Variants in WDPCP observed in about 807,000 individuals in gnomAD.
WDPCP encodes WD repeat-containing and planar cell polarity effector protein fritz homolog.
Under a neutral mutation model 93.1 loss-of-function variants are expected in WDPCP, and 71 were observed. The ratio of observed to expected loss-of-function variants is 0.76; its 90% confidence interval spans 0.63 to 0.93. The LOEUF (loss-of-function observed/expected upper bound fraction) is 0.93, where lower values mean the gene tolerates loss of function less well. Ranked by LOEUF, WDPCP falls within the 40% of genes least tolerant of loss-of-function variation. WDPCP has a pLI of 0.00. For missense variants in WDPCP, 844 were observed against 887.4 expected (o/e 0.95, Z 0.62); for synonymous variants, 315 against 315.0 (o/e 1.00, Z 0.00).
intron 2 of WDPCP, among the ~76,000 whole-genome samples, chr2:63,702,411 T>C (rs1240895057): frequency 6.6e-6 from 1 of 152,216 alleles, no homozygotes; most frequent in Non-Finnish European, 1.5e-5. Flanking sequence ...TATGTACACC[T>C]AGTATATATC....
intron 13 of WDPCP, among the ~76,000 whole-genome samples, chr2:63,271,061 T>C (rs1189214981): frequency 6.6e-6 from 1 of 152,184 alleles, no homozygotes; most frequent in African/African-American, 2.4e-5. Context: ...TAGACTCAGG[T>C]ATGCCCAGGT....
chr2:63,590,598 A>C (rs573506486), upstream of WDPCP: 2 of 152,350 alleles, frequency 1.3e-5, no homozygotes, highest in African/African-American at 4.8e-5. Context: ...GTAGAATTAA[A>C]AGGGAATTTG....
chr2:63,373,026 G>C (rs1410829547), intron 12 of WDPCP, among the ~76,000 whole-genome samples: 2 of 152,054 alleles, frequency 1.3e-5, no homozygotes, highest in African/African-American at 4.8e-5. Flanking sequence ...CGGAGGATGA[G>C]GCAGGAGAAT....
intron 17 of WDPCP, among the ~76,000 whole-genome samples, chr2:63,149,143 T>C (rs1235090691): frequency 6.6e-6 from 1 of 151,724 alleles, no homozygotes; most frequent in Non-Finnish European, 1.5e-5. Context: ...GTTTCTAAAA[T>C]ATATAAAGAC....
upstream of WDPCP, among the ~76,000 whole-genome samples, chr2:63,832,225 A>G (rs1365266113): frequency 2.6e-5 from 4 of 152,218 alleles, no homozygotes; most frequent in Admixed American, 2.0e-4. Context: ...GTGGGGCCTC[A>G]ACTGGAAAAA....
intron 1 of WDPCP, among the ~76,000 whole-genome samples, chr2:63,555,892 A>G (rs1706078223): frequency 6.6e-6 from 1 of 152,198 alleles, no homozygotes; most frequent in African/African-American, 2.4e-5. Flanking sequence ...ACTCACAAAG[A>G]TGAGAAAGAA....
At chr2:63,350,725 G>C (rs1689538471) in intron 12 of WDPCP, among the ~76,000 whole-genome samples, 1 of 152,026 alleles carries the variant, frequency 6.6e-6, no homozygotes, top group Admixed American at 6.6e-5. Flanking sequence ...CTCTTGCTTA[G>C]TGTAGGGATT....
chr2:63,597,567 C>T (rs748420557), intron 3 of WDPCP: 1 of 1,406,334 alleles, frequency 7.1e-7, no homozygotes, highest in East Asian at 2.7e-5. Flanking sequence ...GCCAAGAAGT[C>T]AGTTAAGGTG....
chr2:63,831,906 G>C (rs956398425), upstream of WDPCP, among the ~76,000 whole-genome samples: 2 of 152,192 alleles, frequency 1.3e-5, no homozygotes, highest in African/African-American at 4.8e-5. Context: ...GGTGAAAAAT[G>C]TGTGGACTGA....
At chr2:63,797,939 GAAACA>G (rs1670639957) in intron 2 of WDPCP, among the ~76,000 whole-genome samples, 1 of 152,106 alleles carries the variant, frequency 6.6e-6, no homozygotes, top group Admixed American at 6.5e-5. Context: ...CAAGAGAAAA[GAAACA>G]AATAACATAC....
At chr2:63,206,253 A>G (rs977440093) in intron 14 of WDPCP, among the ~76,000 whole-genome samples, 9 of 152,160 alleles carry the variant, frequency 5.9e-5, no homozygotes, top group Non-Finnish European at 8.8e-5. Flanking sequence ...TTTTGCATCA[A>G]TATTCATCAG....
rs74782038 is a variant in WDPCP, at chr2:63,616,397, G to A, written n.488+34262C>T. On this transcript the variant is annotated intron_variant and non_coding_transcript_variant, in intron 3 of 4. Transcript: ENST00000467687. ...GGGGAATTAAGGGAGGGAGGGTAAA[G>A]GGGCTGAAAATGGAATTGGAGAGGT... Among the ~76,000 whole-genome samples, 706 of 152,276 alleles carry A rather than the reference G, an allele frequency of 4.6e-3. 8 individuals carry two copies. The highest frequency in any genetic ancestry group is 0.016 in the African/African-American group (661 of 41,564).
At chr2:63,576,154 T>A (rs1368254586) in intron 1 of WDPCP, among the ~76,000 whole-genome samples, 5 of 152,194 alleles carry the variant, frequency 3.3e-5, no homozygotes, top group Non-Finnish European at 5.9e-5. Context: ...CGTTGTCCTA[T>A]AATTTAAGTC....
intron 14 of WDPCP, chr2:63,228,397 T>C (rs1678491927): frequency 6.7e-6 from 1 of 150,136 alleles, no homozygotes; most frequent in Non-Finnish European, 1.5e-5. Flanking sequence ...CTTTTTTTTT[T>C]TTTTTTTTGA....
intron 1 of WDPCP, among the ~76,000 whole-genome samples, chr2:63,502,629 T>C (rs1477773602): frequency 6.6e-6 from 1 of 152,216 alleles, no homozygotes; most frequent in Non-Finnish European, 1.5e-5. Context: ...TACCTGTTCC[T>C]ATATTTTGCT....
chr2:63,734,223 T>A (rs1010982339), intron 2 of WDPCP, among the ~76,000 whole-genome samples: 4 of 152,180 alleles, frequency 2.6e-5, no homozygotes, highest in African/African-American at 9.7e-5. Context: ...TATTCTTACA[T>A]TCAACTAGAC....
At chr2:63,236,130 A>G (rs773031792) in intron 14 of WDPCP, among the ~76,000 whole-genome samples, 1 of 152,228 alleles carries the variant, frequency 6.6e-6, no homozygotes, top group African/African-American at 2.4e-5. Flanking sequence ...TGACTTCTGT[A>G]AAGTTTTGGA....
intron 1 of WDPCP, among the ~76,000 whole-genome samples, chr2:63,525,755 G>GT (rs1703291432): frequency 6.6e-6 from 1 of 152,210 alleles, no homozygotes; most frequent in South Asian, 2.1e-4. Context: ...ACATTAAGAT[G>GT]TGTGGGCCAA....
chr2:63,776,709 G>C (rs559360252), intron 2 of WDPCP, among the ~76,000 whole-genome samples: 35 of 138,978 alleles, frequency 2.5e-4, no homozygotes, highest in African/African-American at 9.2e-4. Flanking sequence ...GCACATGAAA[G>C]ATGTTCAACA....
Sources: gnomAD v4.1 joint callset for allele counts (sites outside exome capture counted in the v4.1 genomes callset) on GRCh38, gnomAD v4.1.1 for gene constraint, MANE v1.5 for transcripts, NCBI Gene and HGNC (gene_info 2026-07-23, HGNC 2026-07-21) for gene names.